The following HOMER2 variants were observed in gnomAD, a reference collection of about 807,000 sequenced individuals.
HOMER2 encodes homer scaffold protein 2, also known as homer protein homolog 2.
Under a neutral mutation model 47.0 loss-of-function variants are expected in HOMER2, and 27 were observed. The ratio of observed to expected loss-of-function variants is 0.57; its 90% CI spans 0.42 to 0.79. The LOEUF is 0.79. Ranked by LOEUF, HOMER2 falls within the 30% of genes least tolerant of loss-of-function variation. HOMER2 has a pLI of 0.00. For synonymous variants in HOMER2, 161 were observed against 163.8 expected (o/e 0.98, Z 0.13); for missense variants, 443 against 435.0 (o/e 1.02, Z -0.16).
intron 1 of HOMER2, among the ~76,000 whole-genome samples, chr15:82,975,811 A>G (rs953448406): frequency 6.6e-6 from 1 of 152,244 alleles, no homozygotes; most frequent in Non-Finnish European, 1.5e-5. Context: ...CAGAGTGACT[A>G]CAGTAAATAA....
At chr15:82,939,046 G>A (rs747683909) in intron 1 of HOMER2, among the ~76,000 whole-genome samples, 30 of 152,186 alleles carry the variant, frequency 2.0e-4, no homozygotes, top group Non-Finnish European at 1.8e-4. Flanking sequence ...ATCCATCTTA[G>A]AGGTGATGGC....
chr15:82,920,793 T>G (rs1407440036), intron 1 of HOMER2, among the ~76,000 whole-genome samples: 1 of 152,110 alleles, frequency 6.6e-6, no homozygotes, highest in East Asian at 1.9e-4. Flanking sequence ...AATGAGCATC[T>G]GATATATCTA....
chr15:82,875,314 C>T lies in HOMER2; in HGVS notation c.253G>A (p.Val85Met), dbSNP rs2052310791. 3.1e-6 allele frequency: 5 copies of T among 1,613,842 alleles called. No homozygotes were observed. Among genetic ancestry groups the T allele is most frequent in the Non-Finnish European group, 4.2e-6 (5 of 1,179,900 alleles). The change falls in exon 3 of 9, where the codon GTG becomes ATG. Residue 85 changes from valine (V) to methionine (M), a missense_variant. Physicochemically the swap from Val to Met is conservative, Grantham distance 21 (BLOSUM62 1). Coordinates refer to ENST00000450735, the MANE Select transcript of HOMER2 (RefSeq NM_004839.4). Reference sequence around the variant, plus strand: ...TCAGAGGAAAACCCCAAACCAAACACTGTGTTGGCTCTGCTGTCGGCCCAC... The same window carrying T: ...TCAGAGGAAAACCCCAAACCAAACATTGTGTTGGCTCTGCTGTCGGCCCAC... ...GQWADSRANT[V>M]FGLGFSSEQQ...
At chr15:82,938,864 T>G (rs1189844243) in intron 1 of HOMER2, among the ~76,000 whole-genome samples, 1 of 152,132 alleles carries the variant, frequency 6.6e-6, no homozygotes, top group Non-Finnish European at 1.5e-5. Context: ...GATGCTCCCC[T>G]TTTCAGCCTC....
chr15:82,916,272 T>A (rs2053585591), intron 1 of HOMER2, among the ~76,000 whole-genome samples: 1 of 152,222 alleles, frequency 6.6e-6, no homozygotes, highest in African/African-American at 2.4e-5. Context: ...TTCTTATAAA[T>A]ATGTGTACAA....
At position 82,924,117 on chromosome 15, in the gene HOMER2, G is replaced by A. The variant is rs141375738; in HGVS notation, c.5+28414C>T. On this transcript the variant is annotated intron_variant, in intron 1 of 8. Transcript: ENST00000450735. Reference sequence around the variant, plus strand: ...CTTTGGGTTTGGAAAGAAAAGGTACGGAGTATTGGTAGGTCTTCAGCACAC... The same window carrying A: ...CTTTGGGTTTGGAAAGAAAAGGTACAGAGTATTGGTAGGTCTTCAGCACAC... Among the ~76,000 whole-genome samples the A allele has an allele frequency of 2.5e-3, 387 of 152,258 alleles. 3 individuals are homozygous for A. Among genetic ancestry groups the A allele is most frequent in the African/African-American group, 8.5e-3 (355 of 41,542 alleles).
chr15:82,899,291 G>C (rs2053036975), intron 1 of HOMER2, among the ~76,000 whole-genome samples: 1 of 152,226 alleles, frequency 6.6e-6, no homozygotes, highest in Admixed American at 6.5e-5. Context: ...TACTGTCATA[G>C]CATCTTGTGA....
chr15:82,916,532 A>C (rs1413624869), intron 1 of HOMER2, among the ~76,000 whole-genome samples: 2 of 152,114 alleles, frequency 1.3e-5, no homozygotes, highest in Non-Finnish European at 1.5e-5. Context: ...CTGCAATGAG[A>C]AGTCTTATCC....
exon 2 of HOMER2, chr15:82,837,044 C>T (rs753626774): frequency 6.6e-6 from 1 of 152,244 alleles, no homozygotes; most frequent in Non-Finnish European, 1.5e-5. Flanking sequence ...GCTGTGTTCT[C>T]TTCTAAAGGC....
At chr15:82,855,252 G>C (rs901818679) in intron 5 of HOMER2, among the ~76,000 whole-genome samples, 5 of 148,842 alleles carry the variant, frequency 3.4e-5, no homozygotes, top group Non-Finnish European at 4.4e-5. Flanking sequence ...CTTGAACCCA[G>C]GAGGTGGAGG....
intron 2 of HOMER2, among the ~76,000 whole-genome samples, chr15:82,892,361 G>C (rs924966969): frequency 6.6e-6 from 1 of 152,166 alleles, no homozygotes; most frequent in Non-Finnish European, 1.5e-5. Context: ...AACAATTGAG[G>C]ATATTTGGTA....
intron 1 of HOMER2, among the ~76,000 whole-genome samples, chr15:82,982,357 C>G (rs1482680277): frequency 2.0e-5 from 3 of 152,024 alleles, no homozygotes; most frequent in Non-Finnish European, 4.4e-5. Flanking sequence ...TTCCTGTTGT[C>G]AGAAAATGAG....
chr15:82,838,478 T>C (rs1419934882), exon 2 of HOMER2: 2 of 152,238 alleles, frequency 1.3e-5, no homozygotes, highest in Admixed American at 1.3e-4. Flanking sequence ...TATCTAGCAG[T>C]CCCTTCAAGT....
intron 1 of HOMER2, among the ~76,000 whole-genome samples, chr15:82,904,485 CG>C (rs1463137333): frequency 3.3e-5 from 5 of 152,254 alleles, no homozygotes; most frequent in Non-Finnish European, 5.9e-5. Flanking sequence ...AAAATCCCCT[CG>C]TGCTTGAGGC....
chr15:82,876,335 T>C (rs2052349660), intron 2 of HOMER2, among the ~76,000 whole-genome samples: 1 of 152,232 alleles, frequency 6.6e-6, no homozygotes, highest in African/African-American at 2.4e-5. Context: ...CTTTTATTCA[T>C]TCAAACATTT....
chr15:82,878,329 G>A (rs556987983), intron 2 of HOMER2, among the ~76,000 whole-genome samples: 1 of 152,114 alleles, frequency 6.6e-6, no homozygotes, highest in Admixed American at 6.5e-5. Flanking sequence ...CTTTTTCACA[G>A]TCTTTAACCC....
chr15:82,875,991 G>A (rs1374025858), intron 2 of HOMER2, among the ~76,000 whole-genome samples: 1 of 152,240 alleles, frequency 6.6e-6, no homozygotes, highest in Non-Finnish European at 1.5e-5. Flanking sequence ...CAGCAGCCTG[G>A]TGCTAGCTGT....
At chr15:82,978,306 T>A (rs980863387) in intron 1 of HOMER2, among the ~76,000 whole-genome samples, 1 of 152,222 alleles carries the variant, frequency 6.6e-6, no homozygotes, top group Non-Finnish European at 1.5e-5. Context: ...TAGGTGGATG[T>A]AAACAAATTA....
At chr15:82,921,321 G>A (rs1271274798) in intron 1 of HOMER2, among the ~76,000 whole-genome samples, 1 of 152,114 alleles carries the variant, frequency 6.6e-6, no homozygotes, top group Non-Finnish European at 1.5e-5. Context: ...GTGCCACTGT[G>A]CAGGCCTTGC....
Sources: gnomAD v4.1 joint callset for allele counts (sites outside exome capture counted in the v4.1 genomes callset) on GRCh38, gnomAD v4.1.1 for gene constraint, MANE v1.5 for transcripts, NCBI Gene and HGNC (gene_info 2026-07-23, HGNC 2026-07-21) for gene names.